The following DCC variants were observed in gnomAD, a reference collection of about 807,000 sequenced individuals.
DCC encodes the protein netrin receptor DCC.
A neutral mutation model predicts 172.5 loss-of-function variants in DCC; 58 were observed. That is an observed-to-expected ratio of 0.34 (90% CI 0.27 to 0.42). The LOEUF (loss-of-function observed/expected upper bound fraction) is 0.42, where lower values mean the gene tolerates loss of function less well. Ranked by LOEUF, DCC falls within the 10% of genes least tolerant of loss-of-function variation. DCC has a pLI of 1.00. For missense variants in DCC, 1,740 were observed against 1,791.0 expected, an observed-to-expected ratio of 0.97 and a Z score of 0.51; for synonymous variants, 709 against 644.5, an observed-to-expected ratio of 1.10 and a Z score of -1.52.
Position 52,926,225 on chromosome 18 carries a change from G to A in DCC, c.985+855G>A, listed in dbSNP as rs77236061. ...AAGTAAAAATGAAAATATATCATAT[G>A]CTGATTATATTTGCTAAGTTATACC... On this transcript the variant is annotated intron_variant, in intron 5 of 28. Transcript: ENST00000442544. Among the ~76,000 whole-genome samples, 77 of 151,934 alleles carry A rather than the reference G, an allele frequency of 5.1e-4. 2 individuals are homozygous for A. In the East Asian group the frequency reaches 0.012, roughly 24 times the overall value.
At chr18:52,457,269 C>A (rs1381466529) in intron 1 of DCC, among the ~76,000 whole-genome samples, 1 of 152,110 alleles carries the variant, frequency 6.6e-6, no homozygotes, top group Non-Finnish European at 1.5e-5. Context: ...GGCATCTCAC[C>A]TAGAGCAGTG....
intron 26 of DCC, among the ~76,000 whole-genome samples, chr18:53,488,035 A>G (rs974412284): frequency 5.9e-5 from 9 of 152,180 alleles, no homozygotes; most frequent in African/African-American, 2.2e-4. Flanking sequence ...GACAAGTTTT[A>G]ATGTTAGTTT....
At chr18:53,530,265 T>C in intron 28 of DCC, 2 of 697,342 alleles carry the variant, frequency 2.9e-6, no homozygotes, top group African/African-American at 1.7e-5. Context: ...CACTCACTTG[T>C]CTAAGACCAC....
At chr18:53,231,985 G>T (rs1293778879) in intron 12 of DCC, among the ~76,000 whole-genome samples, 2 of 151,930 alleles carry the variant, frequency 1.3e-5, no homozygotes, top group Admixed American at 6.6e-5. Flanking sequence ...CTAATGACAG[G>T]GATATTTTTG....
chr18:52,823,430 T>C (rs1165952540), intron 2 of DCC, among the ~76,000 whole-genome samples: 1 of 152,224 alleles, frequency 6.6e-6, no homozygotes, highest in Non-Finnish European at 1.5e-5. Context: ...AAGAAATGTA[T>C]TAATAGTGTG....
chr18:52,689,166 T>C (rs983592851), intron 1 of DCC, among the ~76,000 whole-genome samples: 1 of 152,088 alleles, frequency 6.6e-6, no homozygotes, highest in Non-Finnish European at 1.5e-5. Flanking sequence ...GGGAGGAGCT[T>C]GGACCTGAAA....
rs148367094 is a variant in DCC at position 52,783,608 on chromosome 18, T to C, written c.412+31234T>C. Among the ~76,000 whole-genome samples the C allele has an allele frequency of 1.9e-3, 285 of 152,040 alleles. 1 individual carries two copies. Among genetic ancestry groups the C allele is most frequent in the African/African-American group, 6.4e-3 (266 of 41,524 alleles). On this transcript the variant is annotated intron_variant, in intron 2 of 28. Coordinates refer to ENST00000442544, the MANE Select transcript of DCC (RefSeq NM_005215.4). ...TTGTTCTCAAGCATTTGGTAAATAG[T>C]CTGACTTAACAAGAGTCCTCATGTC...
chr18:53,325,182 G>A (rs1252934109), intron 14 of DCC, among the ~76,000 whole-genome samples: 1 of 111,792 alleles, frequency 8.9e-6, no homozygotes, highest in African/African-American at 3.5e-5. Flanking sequence ...GACAGAGCAA[G>A]CAAGACTCCA....
chr18:52,961,425 A>G (rs1419249402), intron 5 of DCC, among the ~76,000 whole-genome samples: 1 of 152,174 alleles, frequency 6.6e-6, no homozygotes, highest in Non-Finnish European at 1.5e-5. Flanking sequence ...CTATCTTTAT[A>G]TGAAAAGTTC....
At chr18:53,233,481 T>A (rs2056153801) in intron 12 of DCC, among the ~76,000 whole-genome samples, 1 of 152,226 alleles carries the variant, frequency 6.6e-6, no homozygotes, top group Admixed American at 6.5e-5. Context: ...CCGATTTTTT[T>A]AGGTAATTAT....
intron 7 of DCC, among the ~76,000 whole-genome samples, chr18:53,148,865 C>CTTTTTTTTTTTTTTTTTCTTTTTTTTT (rs5824990): frequency 5.5e-5 from 6 of 109,820 alleles, no homozygotes; most frequent in Non-Finnish European, 1.1e-4. Context: ...TTCCCAATGC[C>CTTTTTTTTTTTTTTTTTCTTTTTTTTT]TTTTTTTTTT....
chr18:53,527,053 A>T (rs866057566), intron 28 of DCC: 3 of 414,586 alleles, frequency 7.2e-6, no homozygotes, highest in African/African-American at 4.1e-5. Context: ...ATATATGTAC[A>T]TAATATATAC....
intron 1 of DCC, among the ~76,000 whole-genome samples, chr18:52,559,657 C>T (rs2032993481): frequency 6.6e-6 from 1 of 151,978 alleles, no homozygotes; most frequent in South Asian, 2.1e-4. Context: ...TACCATGTTC[C>T]TGCCTGTTTC....
At chr18:53,142,119 T>C (rs1006180356) in intron 7 of DCC, among the ~76,000 whole-genome samples, 7 of 152,192 alleles carry the variant, frequency 4.6e-5, no homozygotes, top group African/African-American at 1.7e-4. Flanking sequence ...AGTTGAAAAA[T>C]GGAATGACAC....
Position 53,063,438 on chromosome 18 carries a change from T to C in DCC, c.1119T>C (p.Pro373=). ...TGAAGAATGGAGATGTGGTCATTCC[T>C]AGTGATTATTTTCAGATAGTGGTAA... is the stretch of plus-strand genomic sequence containing the variant. The part of the protein sequence containing the change: ...NWMKNGDVVI[P]SDYFQIVGGS... The change falls in exon 6 of 29, where the codon CCT becomes CCC. Residue 373 remains proline, a synonymous_variant. Transcript: ENST00000442544. 2 of 1,610,682 alleles carry C rather than the reference T, an allele frequency of 1.2e-6. No homozygotes were observed. The highest frequency in any genetic ancestry group is 1.1e-5 in the South Asian group (1 of 90,964).
At chr18:52,872,818 G>T (rs947346504) in intron 2 of DCC, among the ~76,000 whole-genome samples, 2 of 152,128 alleles carry the variant, frequency 1.3e-5, no homozygotes, top group African/African-American at 4.8e-5. Context: ...AGAGGGCTTT[G>T]ATCACTTGTA....
intron 13 of DCC, among the ~76,000 whole-genome samples, chr18:53,307,331 G>T (rs2057212314): frequency 6.6e-6 from 1 of 152,158 alleles, no homozygotes; most frequent in Non-Finnish European, 1.5e-5. Flanking sequence ...TAATGGGGAA[G>T]ATGGTAAAAA....
intron 12 of DCC, among the ~76,000 whole-genome samples, chr18:53,239,010 C>T (rs1466453590): frequency 7.7e-6 from 1 of 129,646 alleles, no homozygotes; most frequent in East Asian, 2.2e-4. Flanking sequence ...CACCTGGACA[C>T]AGGAAGGGGG....
intron 1 of DCC, among the ~76,000 whole-genome samples, chr18:52,562,067 A>C (rs993347371): frequency 9.2e-5 from 14 of 152,194 alleles, no homozygotes; most frequent in African/African-American, 3.4e-4. Flanking sequence ...GGAGACTGAC[A>C]TCTAGTTAGG....
Sources: allele counts gnomAD v4.1 joint callset (sites outside exome capture counted in the v4.1 genomes callset), GRCh38; gene constraint gnomAD v4.1.1; transcripts MANE v1.5; gene names NCBI Gene and HGNC (gene_info 2026-07-23, HGNC 2026-07-21).